The following MGA variants were observed in gnomAD, a reference collection of about 807,000 sequenced individuals.
MGA encodes MAX dimerization protein MGA, also known as MAX gene-associated protein.
MGA carries 40 observed loss-of-function variants against 261.1 expected under a neutral mutation model. The observed-to-expected ratio is 0.15, with a 90% confidence interval of 0.12 to 0.20. The LOEUF (loss-of-function observed/expected upper bound fraction) is 0.20, where lower values mean the gene tolerates loss of function less well. MGA is among the 10% of genes least tolerant of loss of function. MGA has a pLI of 1.00. For synonymous variants in MGA, 1,302 were observed against 1,290.6 expected (o/e 1.01, Z -0.19); for missense variants, 3,397 against 3,630.5 (o/e 0.94, Z 1.65).
At chr15:41,714,953 T>G (rs2151520299) in intron 9 of MGA, among the ~76,000 whole-genome samples, 1 of 152,276 alleles carries the variant, frequency 6.6e-6, no homozygotes, top group South Asian at 2.1e-4. Context: ...TTTGAATTCT[T>G]TGCTAACTTT....
In MGA at chr15:41,711,299, A is replaced by C; in HGVS notation, c.3034A>C (p.Ile1012Leu). ...TTGGGAAGGAAAACCAAGGACATACATCACAGAAGAGCGAGCAGATGTATC... is the reference window on the plus strand; with the variant it reads ...TTGGGAAGGAAAACCAAGGACATACCTCACAGAAGAGCGAGCAGATGTATC... The change falls in exon 8 of 24, where the codon ATC becomes CTC. Residue 1012 changes from isoleucine to leucine, a missense_variant. Coordinates refer to ENST00000219905, the MANE Select transcript of MGA (RefSeq NM_001164273.2). 6 of 1,613,674 alleles carry C rather than the reference A, an allele frequency of 3.7e-6. No homozygotes were observed. The highest frequency in any genetic ancestry group is 5.1e-6 in the Non-Finnish European group (6 of 1,179,764).
chr15:41,690,263 T>C (rs1427145239), intron 2 of MGA, among the ~76,000 whole-genome samples: 1 of 152,240 alleles, frequency 6.6e-6, no homozygotes, highest in Non-Finnish European at 1.5e-5. Context: ...GTGTAGCATG[T>C]ATCTGTACTT....
At chr15:41,682,281 A>G (rs2058724408) in intron 2 of MGA, among the ~76,000 whole-genome samples, 1 of 152,082 alleles carries the variant, frequency 6.6e-6, no homozygotes, top group South Asian at 2.1e-4. Context: ...ACGTACATAT[A>G]TGTGCATACA....
rs1424515987 is a variant in MGA, at chr15:41,708,220, T to C, written c.2425+12T>C. On this transcript the variant is annotated intron_variant, in intron 7 of 23. Transcript: ENST00000219905. ...ATCTAGGAATGAAGGTAATTAGTTT[T>C]TTAAAATTTTTTAAATGTTCTGAAA... The C allele has an allele frequency of 2.0e-6, 3 of 1,497,014 alleles. No individual in the cohort carries two copies. The highest frequency in any genetic ancestry group is 2.8e-5 in the African/African-American group (2 of 71,200). The allele number at this position is 1,497,014 out of a possible 1,614,324, so 92.7% of individuals were successfully genotyped here. A position where few individuals can be genotyped will look rare whatever the true frequency, so the allele number is the denominator to read the frequency against.
At chr15:41,755,359 G>A (rs1055771489) in intron 18 of MGA, among the ~76,000 whole-genome samples, 9 of 152,274 alleles carry the variant, frequency 5.9e-5, no homozygotes, top group Admixed American at 5.2e-4. Context: ...TCTTCAGTCC[G>A]GAGCTGTTTG....
intron 1 of MGA, among the ~76,000 whole-genome samples, chr15:41,651,311 T>G (rs1440472862): frequency 6.6e-6 from 1 of 152,188 alleles, no homozygotes; most frequent in Non-Finnish European, 1.5e-5. Context: ...CTGATCTTAC[T>G]TCGTTTTAAT....
chr15:41,755,202 G>C (rs780489362), intron 18 of MGA, among the ~76,000 whole-genome samples: 20 of 152,162 alleles, frequency 1.3e-4, no homozygotes, highest in Non-Finnish European at 2.6e-4. Context: ...AGTAGAGAAG[G>C]AAGATATTTT....
intron 5 of MGA, among the ~76,000 whole-genome samples, chr15:41,701,873 A>T (rs965324268): frequency 6.6e-6 from 1 of 152,182 alleles, no homozygotes; most frequent in Non-Finnish European, 1.5e-5. Context: ...ATTCAACTAC[A>T]TGCTGACACA....
chr15:41,626,202 G>A (rs1412287009), intron 1 of MGA, among the ~76,000 whole-genome samples: 1 of 151,922 alleles, frequency 6.6e-6, no homozygotes, highest in Non-Finnish European at 1.5e-5. Flanking sequence ...AGTCTAAAAA[G>A]ATAAATATCA....
At chr15:41,643,205 T>G (rs1210913708) in intron 1 of MGA, among the ~76,000 whole-genome samples, 1 of 105,130 alleles carries the variant, frequency 9.5e-6, no homozygotes, top group Non-Finnish European at 2.1e-5. Context: ...TGCCTGGCTC[T>G]TTTTTTTTTT....
At chr15:41,753,440 C>G (rs1208601803) in intron 17 of MGA, among the ~76,000 whole-genome samples, 1 of 151,258 alleles carries the variant, frequency 6.6e-6, no homozygotes, top group African/African-American at 2.4e-5. Flanking sequence ...TAAAGGTGGA[C>G]TTAAAAAGAT....
chr15:41,680,502 G>T (rs1408993235), intron 2 of MGA, among the ~76,000 whole-genome samples: 1 of 152,172 alleles, frequency 6.6e-6, no homozygotes, highest in Non-Finnish European at 1.5e-5. Context: ...CACAACTGGA[G>T]ATCCTAGGCC....
chr15:41,632,508 T>C (rs898500907), intron 1 of MGA, among the ~76,000 whole-genome samples: 45 of 152,192 alleles, frequency 3.0e-4, no homozygotes, highest in Admixed American at 2.6e-3. Context: ...AGCGGGTCCA[T>C]TGGCCGTAAA....
At chr15:41,681,432 T>C (rs928756875) in intron 2 of MGA, among the ~76,000 whole-genome samples, 3 of 151,806 alleles carry the variant, frequency 2.0e-5, no homozygotes, top group Non-Finnish European at 4.4e-5. Flanking sequence ...TTAGTGTCAT[T>C]ATCATAATTT....
At chr15:41,639,565 G>C (rs2056780700) in intron 1 of MGA, among the ~76,000 whole-genome samples, 2 of 149,564 alleles carry the variant, frequency 1.3e-5, no homozygotes, top group Admixed American at 6.7e-5. Context: ...TATTTTTTTA[G>C]ATGGAGTCTC....
chr15:41,651,901 T>C (rs1595573512), intron 1 of MGA, among the ~76,000 whole-genome samples: 11 of 63,574 alleles, frequency 1.7e-4, no homozygotes, highest in Admixed American at 4.2e-4. Context: ...CCCTCTCCCC[T>C]CCCTTTCCCT....
chr15:41,654,733 C>G (rs1211722900), intron 1 of MGA, among the ~76,000 whole-genome samples: 2 of 152,136 alleles, frequency 1.3e-5, no homozygotes, highest in Non-Finnish European at 2.9e-5. Context: ...AGGCTGGTCT[C>G]AAACTCTTGG....
At chr15:41,708,898 C>A (rs1285143575) in intron 7 of MGA, among the ~76,000 whole-genome samples, 1 of 152,220 alleles carries the variant, frequency 6.6e-6, no homozygotes, top group Non-Finnish European at 1.5e-5. Flanking sequence ...GGTCTCCGTT[C>A]TTAGTGCTTT....
upstream of MGA, among the ~76,000 whole-genome samples, chr15:41,656,377 T>TCTCTCA (rs1555403733): frequency 2.3e-3 from 157 of 68,186 alleles, 1 homozygote; most frequent in East Asian, 0.014. Context: ...TCTCTCTCTC[T>TCTCTCA]CACACCCAGG....
Sources: gnomAD v4.1 joint callset for allele counts (sites outside exome capture counted in the v4.1 genomes callset) on GRCh38, gnomAD v4.1.1 for gene constraint, MANE v1.5 for transcripts, NCBI Gene and HGNC (gene_info 2026-07-23, HGNC 2026-07-21) for gene names.